The following GRIA4 variants were observed in gnomAD, a reference collection of about 807,000 sequenced individuals.
The protein encoded by GRIA4 is glutamate ionotropic receptor AMPA type subunit 4.
In GRIA4, 34 loss-of-function variants were observed where a neutral mutation model predicts 104.0. The observed-to-expected ratio is 0.33, with a 90% confidence interval of 0.25 to 0.44. The LOEUF (loss-of-function observed/expected upper bound fraction) is 0.44, where lower values mean the gene tolerates loss of function less well. Among genes scored for constraint, GRIA4 ranks in the 20% least tolerant of loss-of-function variants. The probability of loss-of-function intolerance (pLI) is 1.00; values close to 1 mark genes in which losing one functional copy is unlikely to be tolerated. For missense variants in GRIA4, 750 were observed against 1,096.5 expected (o/e 0.68, Z 4.46); for synonymous variants, 386 against 381.9 (o/e 1.01, Z -0.13).
At chr11:105,780,459 G>A (rs1941676417) in intron 4 of GRIA4, among the ~76,000 whole-genome samples, 1 of 152,034 alleles carries the variant, frequency 6.6e-6, no homozygotes, top group Non-Finnish European at 1.5e-5. Context: ...CTACAACACT[G>A]CAAAAGAAAT....
intron 3 of GRIA4, among the ~76,000 whole-genome samples, chr11:105,746,756 TTA>T (rs1255306851): frequency 2.0e-5 from 3 of 152,078 alleles, no homozygotes; most frequent in African/African-American, 7.2e-5. Context: ...CTACAGGAAA[TTA>T]TATAAAATAT....
intron 5 of GRIA4, among the ~76,000 whole-genome samples, chr11:105,875,355 G>A (rs1945777418): frequency 1.3e-5 from 2 of 152,166 alleles, no homozygotes; most frequent in African/African-American, 4.8e-5. Context: ...TGTTCATCAG[G>A]GATATTGGCC....
chr11:105,724,378 T>TAC (rs781566275), intron 3 of GRIA4, among the ~76,000 whole-genome samples: 1,428 of 118,768 alleles, frequency 0.012, 15 homozygotes, highest in East Asian at 0.067. Flanking sequence ...CCATTATATA[T>TAC]ACACACACAC....
Position 105,898,494 on chromosome 11 carries a change from A to T in GRIA4, c.885+67A>T, listed in dbSNP as rs181507618. The T allele has an allele frequency of 3.8e-3, 3,760 of 991,198 alleles. 42 individuals are homozygous for T. Among genetic ancestry groups the T allele is most frequent in the Non-Finnish European group, 2.8e-3 (1,852 of 655,386 alleles). The allele number at this position is 991,198 out of a possible 1,614,324, so 61.4% of individuals were successfully genotyped here. ...AAATTTAAGATGAAAAGTTTATTAT[A>T]CAGTTTTTCCATTAACATTTTGCCA... On this transcript the variant is annotated intron_variant, in intron 7 of 16. Transcript: ENST00000282499.
At chr11:105,794,500 T>TATATAC (rs2135815235) in intron 4 of GRIA4, among the ~76,000 whole-genome samples, 1 of 121,132 alleles carries the variant, frequency 8.3e-6, no homozygotes, top group South Asian at 2.6e-4. Flanking sequence ...TATATATATA[T>TATATAC]ATATATATAT....
chr11:105,737,934 G>C (rs944551138), intron 3 of GRIA4, among the ~76,000 whole-genome samples: 7 of 152,082 alleles, frequency 4.6e-5, no homozygotes, highest in Non-Finnish European at 1.0e-4. Context: ...AGAATGTCAT[G>C]AAGTTTAAAG....
chr11:105,795,346 A>G (rs1942436688), intron 4 of GRIA4, among the ~76,000 whole-genome samples: 1 of 152,156 alleles, frequency 6.6e-6, no homozygotes, highest in African/African-American at 2.4e-5. Flanking sequence ...TTATCACCAT[A>G]CACGCACATA....
rs143095755 is a variant in GRIA4 at position 105,961,756 on chromosome 11, C to A, written c.2295-10158C>A. ...TTCGGATTTTTGGATTAGGGATACT[C>A]AATTAGTATAACTAATGGATACTTT... is the stretch of plus-strand genomic sequence containing the variant. On this transcript the variant is annotated intron_variant, in intron 14 of 16. Coordinates refer to ENST00000282499, the MANE Select transcript of GRIA4 (RefSeq NM_000829.4). 3.5e-3 allele frequency among the ~76,000 whole-genome samples: 528 copies of A among 152,272 alleles called. 3 individuals carry two copies. The highest frequency in any genetic ancestry group is 0.012 in the African/African-American group (504 of 41,560).
intron 14 of GRIA4, among the ~76,000 whole-genome samples, chr11:105,943,324 T>A (rs1948227381): frequency 6.6e-6 from 1 of 152,072 alleles, no homozygotes; most frequent in South Asian, 2.1e-4. Flanking sequence ...ACATCAAATG[T>A]TTGGCACGGT....
intron 6 of GRIA4, among the ~76,000 whole-genome samples, chr11:105,888,052 C>A (rs577213975): frequency 6.6e-6 from 1 of 152,124 alleles, no homozygotes; most frequent in Admixed American, 6.5e-5. Context: ...GGCTAACAAA[C>A]AAGATACACA....
At chr11:105,868,013 A>C (rs1444183787) in intron 5 of GRIA4, among the ~76,000 whole-genome samples, 1 of 152,194 alleles carries the variant, frequency 6.6e-6, no homozygotes, top group Non-Finnish European at 1.5e-5. Context: ...GTCCTTACAC[A>C]ACATTTACAC....
chr11:105,882,487 T>C (rs760287759), intron 5 of GRIA4, among the ~76,000 whole-genome samples: 3 of 152,184 alleles, frequency 2.0e-5, no homozygotes, highest in Admixed American at 6.5e-5. Context: ...TATCATTAAT[T>C]TGCAAGTCTC....
chr11:105,729,722 G>GT (rs1319496087), intron 3 of GRIA4, among the ~76,000 whole-genome samples: 13 of 152,056 alleles, frequency 8.5e-5, no homozygotes, highest in African/African-American at 3.1e-4. Flanking sequence ...ATCAATTAAC[G>GT]TAAGCCATCA....
chr11:105,904,823 A>G (rs546463323), intron 8 of GRIA4, among the ~76,000 whole-genome samples: 2 of 152,170 alleles, frequency 1.3e-5, no homozygotes, highest in African/African-American at 4.8e-5. Context: ...ATGATCTGGC[A>G]TAAGTATCAG....
intron 4 of GRIA4, among the ~76,000 whole-genome samples, chr11:105,757,493 A>C (rs1382288595): frequency 6.6e-6 from 1 of 152,160 alleles, no homozygotes; most frequent in Non-Finnish European, 1.5e-5. Flanking sequence ...AAAATAAACA[A>C]AGGGTTGACA....
Position 105,887,559 on chromosome 11 carries a change from T to C in GRIA4, c.713T>C (p.Ile238Thr). Reference protein sequence around the residue: ...VGKHVKGYHYIIANLGFKDIS... With the variant: ...VGKHVKGYHYTIANLGFKDIS... ...AAGCATGTTAAAGGCTACCATTATATCATTGCAAACTTGGTAAGAACTTCT... is the reference window on the plus strand; with the variant it reads ...AAGCATGTTAAAGGCTACCATTATACCATTGCAAACTTGGTAAGAACTTCT... Residue 238 changes from isoleucine (I) to threonine (T), a missense_variant, in exon 6 of 17, where the codon ATC becomes ACC. Ile to Thr is a moderately conservative substitution (Grantham distance 89). This residue lies in a region of GRIA4 where 410 missense variants were observed against 502.7 expected (regional missense o/e 0.82). Transcript: ENST00000282499. 1 of 1,435,368 alleles carries C rather than the reference T, an allele frequency of 7.0e-7. No individual in the cohort carries two copies. The highest frequency in any genetic ancestry group is 9.8e-7 in the Non-Finnish European group (1 of 1,025,546). The allele number at this position is 1,435,368 out of a possible 1,614,324, so 88.9% of individuals were successfully genotyped here. A position where few individuals can be genotyped will look rare whatever the true frequency, so the allele number is the denominator to read the frequency against.
intron 3 of GRIA4, among the ~76,000 whole-genome samples, chr11:105,644,501 G>A (rs563486652): frequency 1.3e-5 from 2 of 152,218 alleles, no homozygotes; most frequent in African/African-American, 2.4e-5. Flanking sequence ...CTATTCAGGT[G>A]GCTGAGGTGA....
intron 4 of GRIA4, among the ~76,000 whole-genome samples, chr11:105,773,659 A>C (rs1169470288): frequency 1.3e-5 from 2 of 152,122 alleles, no homozygotes; most frequent in Admixed American, 1.3e-4. Flanking sequence ...GCTAGGCAGG[A>C]GGTAGGGACA....
intron 3 of GRIA4, among the ~76,000 whole-genome samples, chr11:105,663,822 T>C (rs948701992): frequency 2.0e-5 from 3 of 151,910 alleles, no homozygotes; most frequent in Non-Finnish European, 4.4e-5. Context: ...AACATCTTCC[T>C]GGTGTATAGA....
Sources: gnomAD v4.1 joint callset for allele counts (sites outside exome capture counted in the v4.1 genomes callset) on GRCh38, gnomAD v4.1.1 for gene constraint, gnomAD v4.1.1 regional missense constraint, MANE v1.5 for transcripts, NCBI Gene and HGNC (gene_info 2026-07-23, HGNC 2026-07-21) for gene names.